Variants in PHF3 observed in about 807,000 individuals in gnomAD.
PHF3 encodes the protein PHD finger protein 3.
A neutral mutation model predicts 178.4 loss-of-function variants in PHF3; 41 were observed. The observed-to-expected ratio is 0.23, with a 90% confidence interval of 0.18 to 0.30. The LOEUF is 0.30. Among genes scored for constraint, PHF3 ranks in the 10% least tolerant of loss-of-function variants. The pLI, the probability that PHF3 is intolerant of heterozygous loss-of-function variation, is 1.00. For missense variants in PHF3, 2,346 were observed against 2,398.1 expected, an observed-to-expected ratio of 0.98 and a Z score of 0.45; for synonymous variants, 842 against 800.5, an observed-to-expected ratio of 1.05 and a Z score of -0.88.
In PHF3 at chr6:63,646,734, C is replaced by G; in HGVS notation, c.183C>G (p.Asn61Lys). 6.2e-7 allele frequency: 1 copy of G among 1,611,096 alleles called. No homozygotes were observed. The highest frequency in any genetic ancestry group is 1.1e-5 in the South Asian group (1 of 90,858). The change falls in exon 2 of 16, where the codon AAC becomes AAG. Residue 61 changes from asparagine to lysine, a missense_variant. Physicochemically the swap from Asn to Lys is moderately conservative, Grantham distance 94. This residue lies in a region of PHF3 where 843 missense variants were observed against 795.2 expected (regional missense o/e 1.06). Transcript: ENST00000262043. Reference protein sequence around the residue: ...DKDPMLGSASNQFCLPVLDSN... With the variant: ...DKDPMLGSASKQFCLPVLDSN... ...ATCCTATGCTAGGATCTGCAAGTAACCAGTTCTGTTTGCCTGTTTTGGATA... is the reference window on the plus strand; with the variant it reads ...ATCCTATGCTAGGATCTGCAAGTAAGCAGTTCTGTTTGCCTGTTTTGGATA...
intron 4 of PHF3, among the ~76,000 whole-genome samples, chr6:63,687,193 G>C (rs1487737960): frequency 6.6e-6 from 1 of 152,112 alleles, no homozygotes; most frequent in East Asian, 1.9e-4. Flanking sequence ...GAGGTGGGCG[G>C]TAGGCAGATC....
intron 2 of PHF3, among the ~76,000 whole-genome samples, chr6:63,664,535 C>T (rs1765598998): frequency 1.3e-5 from 2 of 152,008 alleles, no homozygotes; most frequent in Admixed American, 1.3e-4. Flanking sequence ...TATTACTTGT[C>T]TTACTGTTTT....
chr6:63,695,418 G>GTA (rs985798262), intron 6 of PHF3, among the ~76,000 whole-genome samples: 1 of 152,154 alleles, frequency 6.6e-6, no homozygotes, highest in Non-Finnish European at 1.5e-5. Context: ...AACATTATTA[G>GTA]TAGGATGTGA....
chr6:63,680,211 A>T, intron 3 of PHF3, 50 bp downstream of exon 3: 2 of 1,446,362 alleles, frequency 1.4e-6, no homozygotes, highest in East Asian at 4.6e-5. Context: ...ATAGGGACAG[A>T]TGTGTTAGGT....
chr6:63,653,170 G>A (rs1411920427), intron 2 of PHF3, among the ~76,000 whole-genome samples: 36 of 120,156 alleles, frequency 3.0e-4, no homozygotes, highest in African/African-American at 1.1e-3. Flanking sequence ...TTTTTTTGTG[G>A]TTCTGTGTAT....
chr6:63,641,528 A>ATGTGTGTGTG (rs201250434), intron 1 of PHF3, among the ~76,000 whole-genome samples: 76 of 140,676 alleles, frequency 5.4e-4, no homozygotes, highest in African/African-American at 1.9e-3. Flanking sequence ...TTAGGTGTGT[A>ATGTGTGTGTG]TGTGTGTGTG....
chr6:63,658,735 T>C (rs964817444), intron 2 of PHF3, among the ~76,000 whole-genome samples: 1 of 151,238 alleles, frequency 6.6e-6, no homozygotes, highest in South Asian at 2.1e-4. Flanking sequence ...TGTGTGTGTG[T>C]GTGTGTGTGT....
At chr6:63,705,517 C>T (rs922650444) in intron 11 of PHF3, among the ~76,000 whole-genome samples, 5 of 152,148 alleles carry the variant, frequency 3.3e-5, no homozygotes, top group Admixed American at 2.0e-4. Context: ...GTTGCGTGCT[C>T]CTTATGAGAA....
chr6:63,648,691 G>C (rs3800493), intron 2 of PHF3, among the ~76,000 whole-genome samples: 11,873 of 152,134 alleles, frequency 0.078, 538 homozygotes, highest in East Asian at 0.16. Flanking sequence ...TTATTCGTTT[G>C]TGATTCTGTT....
intron 2 of PHF3, among the ~76,000 whole-genome samples, chr6:63,653,361 T>G (rs1765103350): frequency 6.6e-6 from 1 of 152,066 alleles, no homozygotes; most frequent in South Asian, 2.1e-4. Flanking sequence ...TGTGTTCTCT[T>G]TAATTTCTGT....
rs751192467 is a variant in PHF3 at position 63,712,149 on chromosome 6, A to G, written c.4561A>G (p.Lys1521Glu). 3 of 1,613,232 alleles carry G rather than the reference A, an allele frequency of 1.9e-6. No homozygotes were observed. Among genetic ancestry groups the G allele is most frequent in the South Asian group, 1.1e-5 (1 of 90,918 alleles). ...TGTGGAAGTAACTGATGGTGAAAAC[A>G]AGGAGATAAAAGTTAAAGTAGATAA... ...DNVEVTDGEN[K>E]EIKVKVDNIS... Residue 1521 changes from lysine (K) to glutamate (E), a missense_variant, in exon 16 of 16, where the codon AAG becomes GAG. Lys to Glu is a moderately conservative substitution (Grantham distance 56). Around this residue, in one of 8 missense-constraint regions of PHF3, gnomAD observed 839 missense variants for 806.9 expected, o/e 1.04. Transcript: ENST00000262043.
intron 13 of PHF3, among the ~76,000 whole-genome samples, chr6:63,708,044 T>A (rs2149608267): frequency 6.6e-6 from 1 of 152,194 alleles, no homozygotes; most frequent in Non-Finnish European, 1.5e-5. Flanking sequence ...TTTTTGTATT[T>A]TTAGTAGAAA....
chr6:63,704,441 C>A (rs965676695), intron 11 of PHF3, among the ~76,000 whole-genome samples: 1 of 151,150 alleles, frequency 6.6e-6, no homozygotes, highest in Non-Finnish European at 1.5e-5. Flanking sequence ...AACCACTGAT[C>A]TTTTCATTGT....
chr6:63,644,962 C>T (rs1220900845), intron 1 of PHF3, among the ~76,000 whole-genome samples: 1 of 151,644 alleles, frequency 6.6e-6, no homozygotes, highest in Non-Finnish European at 1.5e-5. Context: ...TTCGCTGCAA[C>T]CTCCACTTCC....
intron 3 of PHF3, among the ~76,000 whole-genome samples, chr6:63,683,606 T>C (rs1766535312): frequency 6.6e-6 from 1 of 152,128 alleles, no homozygotes; most frequent in Admixed American, 6.5e-5. Context: ...GGAAGCACAT[T>C]GATAAAGGAA....
intron 2 of PHF3, among the ~76,000 whole-genome samples, chr6:63,649,105 T>TATTC (rs1561939922): frequency 7.0e-6 from 1 of 143,458 alleles, no homozygotes; most frequent in Non-Finnish European, 1.5e-5. Context: ...TTTATTTATT[T>TATTC]ATTTATTCAT....
At position 63,685,460 on chromosome 6, in the gene PHF3, T is replaced by C. The variant is rs1162281781; in HGVS notation, c.1738T>C (p.Leu580=). Residue 580 remains leucine, a synonymous_variant, in exon 4 of 16, where the codon TTA becomes CTA. Coordinates refer to ENST00000262043, the MANE Select transcript of PHF3 (RefSeq NM_001370348.2). ...AGCTCATTCTGTACTGAAAAAAACA[T>C]TACAGGATCAAACTTTAGTACAAAT... ...NQAHSVLKKT[L]QDQTLVQIFK... is the part of the protein sequence containing the mutation. 6.2e-7 allele frequency: 1 copy of C among 1,613,996 alleles called. No individual in the cohort carries two copies.
At position 63,720,990 on chromosome 6, in the gene PHF3, T is replaced by C; in HGVS notation, c.*7282T>C. On this transcript the variant is annotated 3_prime_UTR_variant, in exon 16 of 16. Coordinates refer to ENST00000262043, the MANE Select transcript of PHF3 (RefSeq NM_001370348.2). ...AACTGCTATTTTCAAGGTCTGATTA[T>C]GGAGACCAATTGCCAGAAAATCATT... The C allele has an allele frequency of 2.6e-6, 4 of 1,551,382 alleles. No homozygotes were observed. The highest frequency in any genetic ancestry group is 2.4e-5 in the South Asian group (2 of 84,056).
chr6:63,690,559 C>G (rs1766952330), intron 4 of PHF3, among the ~76,000 whole-genome samples: 1 of 152,146 alleles, frequency 6.6e-6, no homozygotes, highest in Non-Finnish European at 1.5e-5. Context: ...GTGTTACCTT[C>G]AATATCCTCT....
Sources: allele counts gnomAD v4.1 joint callset (sites outside exome capture counted in the v4.1 genomes callset), GRCh38; gene constraint gnomAD v4.1.1; regional missense constraint gnomAD v4.1.1; transcripts MANE v1.5; gene names NCBI Gene and HGNC (gene_info 2026-07-23, HGNC 2026-07-21).